The following CFAP47 variants were observed in gnomAD, a reference collection of about 807,000 sequenced individuals.
The protein encoded by CFAP47 is cilia- and flagella-associated protein 47.
A neutral mutation model predicts 148.1 loss-of-function variants in CFAP47; 29 were observed. The observed-to-expected ratio is 0.20, with a 90% CI of 0.15 to 0.27. The LOEUF is 0.27. Among genes scored for constraint, CFAP47 ranks in the 10% least tolerant of loss-of-function variants. The pLI, the probability that CFAP47 is intolerant of heterozygous loss-of-function variation, is 1.00. For synonymous variants in CFAP47, 664 were observed against 577.3 expected (o/e 1.15, Z -2.15); for missense variants, 1,872 against 1,697.5 (o/e 1.10, Z -1.81).
chrX:36,370,350 G>A (rs1941920315), intron 62 of CFAP47, among the ~76,000 whole-genome samples: 1 of 104,800 alleles, frequency 9.5e-6, no homozygotes, highest in Non-Finnish European at 1.9e-5. Context: ...AACATGAGAT[G>A]TTTGGTTTTC....
chrX:36,232,703 T>A (rs1329370396), intron 46 of CFAP47, among the ~76,000 whole-genome samples: 1 of 111,905 alleles, frequency 8.9e-6, no homozygotes, highest in African/African-American at 3.3e-5. Context: ...TTAATTGTGG[T>A]GTTAGGGTGT....
chrX:35,970,970 CAG>C, intron 11 of CFAP47, 47 bp downstream of exon 11: 2 of 1,065,960 alleles, frequency 1.9e-6, no homozygotes, highest in South Asian at 4.6e-5. Context: ...ATGGTGTCTA[CAG>C]AGTCAGAATT....
chrX:36,024,833 G>A (rs190573010), intron 22 of CFAP47, among the ~76,000 whole-genome samples: 198 of 111,570 alleles, frequency 1.8e-3, no homozygotes, highest in Middle Eastern at 4.6e-3. Flanking sequence ...GTTGAAACCA[G>A]GTGCTGTTAG....
chrX:36,255,713 T>C (rs1228535994), intron 49 of CFAP47, among the ~76,000 whole-genome samples: 1 of 111,394 alleles, frequency 9.0e-6, no homozygotes, highest in Non-Finnish European at 1.9e-5. Flanking sequence ...AAATTGAATA[T>C]GAAAAAGAAA....
chrX:36,035,329 T>C (rs1428882149), intron 23 of CFAP47, among the ~76,000 whole-genome samples: 6 of 111,568 alleles, frequency 5.4e-5, no homozygotes, highest in Non-Finnish European at 7.5e-5. Flanking sequence ...CCTAACTACA[T>C]TCAATGAGGT....
In CFAP47 at chrX:36,350,035, T is replaced by A. The variant is rs1300522408; in HGVS notation, c.8604-3T>A. On this transcript the variant is annotated splice_polypyrimidine_tract_variant and splice_region_variant and intron_variant, in intron 58 of 63. Coordinates refer to ENST00000378653, the MANE Select transcript of CFAP47 (RefSeq NM_001304548.2). ...CCCTCTTAATATTTTAATTTCTAAT[T>A]AGTATTGTGGGAATCGACAGCGAAG... The A allele has an allele frequency of 3.6e-6, 4 of 1,096,747 alleles. No individual in the cohort carries two copies. Among genetic ancestry groups the A allele is most frequent in the Non-Finnish European group, 4.9e-6 (4 of 814,033 alleles). The allele number at this position is 1,096,747 out of a possible 1,213,427, so 90.4% of individuals were successfully genotyped here.
chrX:35,924,387 A>AG lies in CFAP47; in HGVS notation c.250-1630_250-1629insG, dbSNP rs1276963438. On this transcript the variant is annotated intron_variant, in intron 1 of 63. Transcript: ENST00000378653. Reference sequence around the variant, plus strand: ...TGTATATGTGCATATATGCACACATATGTGTATATATGCACACACATATGT... The same window carrying AG: ...TGTATATGTGCATATATGCACACATAGTGTGTATATATGCACACACATATGT... 3.8e-5 allele frequency among the ~76,000 whole-genome samples: 4 copies of AG among 105,402 alleles called. No individual in the cohort carries two copies. The East Asian group carries it at 1.2e-3, about 32-fold the overall frequency. The allele number at this position is 105,402 out of a possible 115,157, so 91.5% of individuals were successfully genotyped here. A position where few individuals can be genotyped will look rare whatever the true frequency, so the allele number is the denominator to read the frequency against.
chrX:36,159,750 T>G (rs1202149111), intron 38 of CFAP47, among the ~76,000 whole-genome samples, 174 bp downstream of exon 38: 1 of 111,907 alleles, frequency 8.9e-6, no homozygotes, highest in Non-Finnish European at 1.9e-5. Context: ...GTGTTTTTGC[T>G]GGACTAAGGG....
At chrX:36,095,524 A>T (rs1373701844) in intron 30 of CFAP47, among the ~76,000 whole-genome samples, 4 of 110,910 alleles carry the variant, frequency 3.6e-5, no homozygotes, top group Non-Finnish European at 5.7e-5. Flanking sequence ...GCTTTTCTTT[A>T]TTGGGTGACT....
intron 57 of CFAP47, among the ~76,000 whole-genome samples, chrX:36,321,461 T>C (rs1941478207): frequency 9.0e-6 from 1 of 111,473 alleles, no homozygotes; most frequent in South Asian, 3.8e-4. Context: ...TGGTATTTCA[T>C]AACACAACAA....
intron 52 of CFAP47, 128 bp downstream of exon 52, chrX:36,299,280 G>A (rs1556007391): frequency 5.3e-6 from 2 of 374,163 alleles, no homozygotes; most frequent in Admixed American, 5.8e-5. Context: ...TTTAATACTA[G>A]TCCCTGAAAA....
chrX:36,103,445 T>C (rs1938409166), intron 32 of CFAP47, among the ~76,000 whole-genome samples: 1 of 97,356 alleles, frequency 1.0e-5, no homozygotes, highest in Admixed American at 1.2e-4. Context: ...CTGGGGTCAT[T>C]ATCTTCTGGC....
chrX:36,277,796 A>G (rs1404074187), intron 49 of CFAP47, among the ~76,000 whole-genome samples: 1 of 112,253 alleles, frequency 8.9e-6, no homozygotes, highest in African/African-American at 3.2e-5. Flanking sequence ...GCACAAATAT[A>G]GAATATTACC....
At chrX:36,210,603 A>G (rs147467949) in intron 45 of CFAP47, among the ~76,000 whole-genome samples, 369 of 112,420 alleles carry the variant, frequency 3.3e-3, no homozygotes, top group Non-Finnish European at 6.1e-3. Context: ...CAGATACAAT[A>G]TCTTATCAGA....
At chrX:36,300,965 T>G (rs1941293078) in intron 52 of CFAP47, 107 bp from the exon 53 acceptor site, 2 of 450,372 alleles carry the variant, frequency 4.4e-6, no homozygotes, top group African/African-American at 5.0e-5. Context: ...TGTCAAATGT[T>G]GTATTTAAAA....
chrX:36,348,268 G>T lies in CFAP47; in HGVS notation c.8583G>T (p.Glu2861Asp). The T allele has an allele frequency of 9.8e-7, 1 of 1,020,248 alleles. No homozygotes were observed. The highest frequency in any genetic ancestry group is 1.3e-6 in the Non-Finnish European group (1 of 793,868). 84.1% of individuals were successfully genotyped at this position (1,020,248 alleles called of 1,213,427 possible). ...ATTGGCCTATTGACAATTTTGATGA[G>T]TTGGATATAAAATTTAAAAGGTAAC... Reference protein sequence around the residue: ...GKYWPIDNFDELDIKFKSIVG... With the variant: ...GKYWPIDNFDDLDIKFKSIVG... Residue 2861 changes from glutamate to aspartate, a missense_variant, in exon 58 of 64, where the codon GAG becomes GAT. Coordinates refer to ENST00000378653, the MANE Select transcript of CFAP47 (RefSeq NM_001304548.2).
chrX:36,308,989 A>G (rs1472019510), intron 55 of CFAP47, among the ~76,000 whole-genome samples: 3 of 111,706 alleles, frequency 2.7e-5, no homozygotes, highest in Non-Finnish European at 3.8e-5. Context: ...TGCAAATATC[A>G]TAAACTTATA....
chrX:35,923,988 T>C (rs750044151), intron 1 of CFAP47, among the ~76,000 whole-genome samples: 68 of 102,847 alleles, frequency 6.6e-4, no homozygotes, highest in African/African-American at 6.5e-4. Context: ...TGTATATATG[T>C]ACATATATGT....
intron 33 of CFAP47, among the ~76,000 whole-genome samples, chrX:36,120,282 A>G (rs1263228882): frequency 2.7e-5 from 3 of 110,580 alleles, no homozygotes; most frequent in Non-Finnish European, 3.8e-5. Context: ...TGCTGGGATT[A>G]CAGGCATGAG....
Sources: gnomAD v4.1 joint callset for allele counts (sites outside exome capture counted in the v4.1 genomes callset) on GRCh38, gnomAD v4.1.1 for gene constraint, MANE v1.5 for transcripts, NCBI Gene and HGNC (gene_info 2026-07-23, HGNC 2026-07-21) for gene names.